The following MLEC variants were observed in gnomAD, a reference collection of about 807,000 sequenced individuals.
MLEC encodes oligosaccharyltransferase complex subunit (non-catalytic).
In MLEC, 7 loss-of-function variants were observed where a neutral mutation model predicts 28.7. The ratio of observed to expected loss-of-function variants is 0.24; its 90% CI spans 0.14 to 0.46. MLEC has a LOEUF of 0.46. MLEC is among the 20% of genes least tolerant of loss of function. The pLI is 0.99. For missense variants in MLEC, 237 were observed against 391.1 expected (o/e 0.61, Z 3.32); for synonymous variants, 142 against 164.4 (o/e 0.86, Z 1.04).
In MLEC at chr12:120,687,548, C is replaced by A; in HGVS notation, c.235+17C>A. On this transcript the variant is annotated intron_variant, in intron 1 of 4. Coordinates refer to ENST00000228506, the MANE Select transcript of MLEC (RefSeq NM_014730.4). The surrounding 1 kb of genome is among the most constrained non-coding windows in gnomAD (Gnocchi z 8.1). Reference sequence around the variant, plus strand: ...TGGGCCGAGGTGAGAGTCCCCCTGCCGAGCCGCGGGATCCAGGGCCTGCTG... The same window carrying A: ...TGGGCCGAGGTGAGAGTCCCCCTGCAGAGCCGCGGGATCCAGGGCCTGCTG... 2 of 1,488,038 alleles carry A rather than the reference C, an allele frequency of 1.3e-6. No individual in the cohort carries two copies. Among genetic ancestry groups the A allele is most frequent in the South Asian group, 1.3e-5 (1 of 75,308 alleles). The allele number at this position is 1,488,038 out of a possible 1,614,324, so 92.2% of individuals were successfully genotyped here.
In MLEC at chr12:120,694,322, C is replaced by A. The variant is rs1320887857; in HGVS notation, c.414+53C>A. The A allele has an allele frequency of 1.9e-6, 3 of 1,565,098 alleles. No individual in the cohort carries two copies. Among genetic ancestry groups the A allele is most frequent in the Non-Finnish European group, 2.6e-6 (3 of 1,145,194 alleles). On this transcript the variant is annotated intron_variant, in intron 2 of 4. Coordinates refer to ENST00000228506, the MANE Select transcript of MLEC (RefSeq NM_014730.4). The surrounding 1 kb of genome is among the most constrained non-coding windows in gnomAD (Gnocchi z 4.5). ...CCAGTAGGACATTGCTGCTCTTGGACAATCCACGATTATGGGGCTAGAGAG... is the reference window on the plus strand; with the variant it reads ...CCAGTAGGACATTGCTGCTCTTGGAAAATCCACGATTATGGGGCTAGAGAG...
At chr12:120,693,973 C>A in intron 1 of MLEC, 118 bp from the exon 2 acceptor site, 1 of 892,972 alleles carries the variant, frequency 1.1e-6, no homozygotes, top group Non-Finnish European at 1.7e-6. Context: ...AGTGGGTGGC[C>A]CCTTTTATGG....
In MLEC at chr12:120,694,786, GA is replaced by G. The variant is rs1356691925; in HGVS notation, c.415-37del. 9.5e-6 allele frequency: 15 copies of G among 1,571,964 alleles called. No individual in the cohort carries two copies. Among genetic ancestry groups the G allele is most frequent in the Non-Finnish European group, 1.2e-5 (14 of 1,153,780 alleles). ...CAACTGCTTGAAAGGATGTAAAGCT[GA>G]TGGTTTTGACATTGTTTTCTTTTCT... On this transcript the variant is annotated intron_variant, in intron 2 of 4. Coordinates refer to ENST00000228506, the MANE Select transcript of MLEC (RefSeq NM_014730.4). The surrounding 1 kb of genome is among the most constrained non-coding windows in gnomAD (Gnocchi z 4.5).
Position 120,698,519 on chromosome 12 carries a change from C to T in MLEC, c.*1974C>T, listed in dbSNP as rs1882323318. The T allele has an allele frequency of 6.6e-6, 1 of 152,226 alleles. No homozygotes were observed. The highest frequency in any genetic ancestry group is 6.5e-5 in the Admixed American group (1 of 15,278). 9.4% of individuals were successfully genotyped at this position (152,226 alleles called of 1,614,324 possible). On this transcript the variant is annotated 3_prime_UTR_variant, in exon 5 of 5. Coordinates refer to ENST00000228506, the MANE Select transcript of MLEC (RefSeq NM_014730.4). The stretch of plus-strand genomic sequence containing the variant: ...TAGCCTTGGTCCTGGGGACCACCTG[C>T]CTGGGGCAGTGGACATCCTAACTAA...
rs767322141 is a variant in MLEC, at chr12:120,697,945, T to A, written c.*1400T>A. On this transcript the variant is annotated 3_prime_UTR_variant, in exon 5 of 5. Coordinates refer to ENST00000228506, the MANE Select transcript of MLEC (RefSeq NM_014730.4). The surrounding 1 kb of genome is among the most constrained non-coding windows in gnomAD (Gnocchi z 4.8). ...TCCAGTCAGCCAGAGCCTTGGCAGC[T>A]CTGAAGCTAACCTTAGCATCTAAGT... The A allele has an allele frequency of 1.3e-5, 2 of 152,240 alleles. No individual in the cohort carries two copies. The highest frequency in any genetic ancestry group is 4.8e-5 in the African/African-American group (2 of 41,456). 9.4% of individuals were successfully genotyped at this position (152,240 alleles called of 1,614,324 possible). A position where few individuals can be genotyped will look rare whatever the true frequency, so the allele number is the denominator to read the frequency against.
chr12:120,691,449 A>G (rs1882034123), intron 1 of MLEC, among the ~76,000 whole-genome samples: 1 of 152,198 alleles, frequency 6.6e-6, no homozygotes, highest in Non-Finnish European at 1.5e-5. Flanking sequence ...CCTGTGCTGA[A>G]TTTTCCAAGG....
chr12:120,695,183 T>G, intron 4 of MLEC, 31 bp downstream of exon 4: 1 of 1,613,210 alleles, frequency 6.2e-7, no homozygotes, highest in Non-Finnish European at 8.5e-7. Context: ...CTTTTTTGAC[T>G]TGAGTGGAGG....
chr12:120,694,725 T>C lies in MLEC; in HGVS notation c.415-99T>C. ...TCCAGACCCATCATTTCTTAAATTA[T>C]TTTTGAACTTCAAGCCCAAACACGT... On this transcript the variant is annotated intron_variant, in intron 2 of 4. Coordinates refer to ENST00000228506, the MANE Select transcript of MLEC (RefSeq NM_014730.4). The surrounding 1 kb of genome is among the most constrained non-coding windows in gnomAD (Gnocchi z 4.5). The C allele has an allele frequency of 8.4e-7, 1 of 1,185,600 alleles. No homozygotes were observed. The highest frequency in any genetic ancestry group is 1.2e-6 in the Non-Finnish European group (1 of 832,216). 73.4% of individuals were successfully genotyped at this position (1,185,600 alleles called of 1,614,324 possible). A position where few individuals can be genotyped will look rare whatever the true frequency, so the allele number is the denominator to read the frequency against.
rs554339003 is a variant in MLEC, at chr12:120,693,614, CTGTT to C, written c.236-471_236-468del. Among the ~76,000 whole-genome samples, 3 of 152,318 alleles carry C rather than the reference CTGTT, an allele frequency of 2.0e-5. 1 individual carries two copies. The highest frequency in any genetic ancestry group is 7.2e-5 in the African/African-American group (3 of 41,570). ...AGAATGACTTTCCAAAGCAGATATCCTGTTTGTTTTAGACTCTGGGCTTTTCTGA... is the reference window on the plus strand; with the variant it reads ...AGAATGACTTTCCAAAGCAGATATCCTGTTTTAGACTCTGGGCTTTTCTGA... On this transcript the variant is annotated intron_variant, in intron 1 of 4. Transcript: ENST00000228506.
chr12:120,689,013 C>T (rs1463896675), intron 1 of MLEC, among the ~76,000 whole-genome samples: 1 of 152,220 alleles, frequency 6.6e-6, no homozygotes, highest in African/African-American at 2.4e-5. Flanking sequence ...TGGACTTTGC[C>T]TCTTGAGATA....
At position 120,696,947 on chromosome 12, in the gene MLEC, C is replaced by A. The variant is rs1395985274; in HGVS notation, c.*402C>A. 1 of 198,856 alleles carries A rather than the reference C, an allele frequency of 5.0e-6. No individual in the cohort carries two copies. Among genetic ancestry groups the A allele is most frequent in the African/African-American group, 2.4e-5 (1 of 42,210 alleles). 12.3% of individuals were successfully genotyped at this position (198,856 alleles called of 1,614,324 possible). A position where few individuals can be genotyped will look rare whatever the true frequency, so the allele number is the denominator to read the frequency against. On this transcript the variant is annotated 3_prime_UTR_variant, in exon 5 of 5. Coordinates refer to ENST00000228506, the MANE Select transcript of MLEC (RefSeq NM_014730.4). This position sits in a 1 kb window ranked among gnomAD's most constrained non-coding sequence, Gnocchi z 5.4. ...ATCTTATTACCTGAGACGACCAGCA[C>A]TGGGAGTTAGGTACGGTCTGAAGTT...
chr12:120,691,696 G>A (rs1882042737), intron 1 of MLEC, among the ~76,000 whole-genome samples: 1 of 152,198 alleles, frequency 6.6e-6, no homozygotes, highest in Non-Finnish European at 1.5e-5. Context: ...TTTGCACGTG[G>A]CAGATCTCTT....
chr12:120,691,266 C>G (rs1252152600), intron 1 of MLEC, among the ~76,000 whole-genome samples: 1 of 150,762 alleles, frequency 6.6e-6, no homozygotes, highest in East Asian at 1.9e-4. Flanking sequence ...GCTAGCATAC[C>G]CATGTTTCTG....
At chr12:120,689,556 A>C (rs1376263157) in intron 1 of MLEC, among the ~76,000 whole-genome samples, 1 of 152,186 alleles carries the variant, frequency 6.6e-6, no homozygotes, top group African/African-American at 2.4e-5. Flanking sequence ...CAGGTTCCTG[A>C]GAAAGGCATT....
Position 120,687,770 on chromosome 12 carries a change from C to T in MLEC, c.235+239C>T, listed in dbSNP as rs945044077. On this transcript the variant is annotated intron_variant, in intron 1 of 4. Coordinates refer to ENST00000228506, the MANE Select transcript of MLEC (RefSeq NM_014730.4). The surrounding 1 kb of genome is among the most constrained non-coding windows in gnomAD (Gnocchi z 8.1). ...GTTAGTTATATTTGGATTTCTCATC[C>T]TGCATTTTCTCAACCCCTCACTCCC... is the stretch of plus-strand genomic sequence containing the variant. Among the ~76,000 whole-genome samples the T allele has an allele frequency of 6.6e-6, 1 of 152,158 alleles. No homozygotes were observed. Among genetic ancestry groups the T allele is most frequent in the African/African-American group, 2.4e-5 (1 of 41,450 alleles).
chr12:120,687,290 G>C lies in MLEC; in HGVS notation c.-7G>C, dbSNP rs1191549951. The C allele has an allele frequency of 7.2e-7, 1 of 1,383,330 alleles. No individual in the cohort carries two copies. The highest frequency in any genetic ancestry group is 3.9e-5 in the Admixed American group (1 of 25,640). 85.7% of individuals were successfully genotyped at this position (1,383,330 alleles called of 1,614,324 possible). A position where few individuals can be genotyped will look rare whatever the true frequency, so the allele number is the denominator to read the frequency against. ...CGGCGGGGGCTGCCCCCGTGGTGGT[G>C]GCCGCCATGCTGGGAGCCTGGGCGG... On this transcript the variant is annotated 5_prime_UTR_variant, in exon 1 of 5. Coordinates refer to ENST00000228506, the MANE Select transcript of MLEC (RefSeq NM_014730.4). This position sits in a 1 kb window ranked among gnomAD's most constrained non-coding sequence, Gnocchi z 8.1.
chr12:120,688,592 C>G (rs1881915025), intron 1 of MLEC, among the ~76,000 whole-genome samples: 2 of 152,244 alleles, frequency 1.3e-5, no homozygotes, highest in Admixed American at 1.3e-4. Context: ...AGTATGCCAC[C>G]TCCAGACAAC....
intron 1 of MLEC, among the ~76,000 whole-genome samples, chr12:120,693,842 G>A (rs1313448274): frequency 1.3e-5 from 2 of 152,184 alleles, no homozygotes; most frequent in Non-Finnish European, 2.9e-5. Flanking sequence ...AGAAAGTTCC[G>A]CTCTGAGGTT....
chr12:120,694,953 G>A lies in MLEC; in HGVS notation c.544G>A (p.Gly182Arg). The change falls in exon 3 of 5, where the codon GGG becomes AGG. Residue 182 changes from glycine (G) to arginine (R), a missense_variant. Physicochemically the swap from Gly to Arg is moderately radical, Grantham distance 125. Transcript: ENST00000228506. The surrounding 1 kb of genome is among the most constrained non-coding windows in gnomAD (Gnocchi z 4.5). ...CAGAAAGGGGAAGCTGAGTGTCCAG[G>A]GGGAGGTGTCCACCTTCACAGGGAA... ...SIRKGKLSVQ[G>R]EVSTFTGKLY... 1 of 1,614,210 alleles carries A rather than the reference G, an allele frequency of 6.2e-7. No individual in the cohort carries two copies. The highest frequency in any genetic ancestry group is 8.5e-7 in the Non-Finnish European group (1 of 1,180,032).
Sources: gnomAD v4.1 joint callset for allele counts (sites outside exome capture counted in the v4.1 genomes callset) on GRCh38, gnomAD v4.1.1 for gene constraint, Gnocchi (gnomAD v3.1) non-coding constraint, MANE v1.5 for transcripts, NCBI Gene and HGNC (gene_info 2026-07-23, HGNC 2026-07-21) for gene names.